The following VDAC1 variants were observed in gnomAD, a reference collection of about 807,000 sequenced individuals.
The protein encoded by VDAC1 is voltage dependent anion channel 1, also known as non-selective voltage-gated ion channel VDAC1.
Under a neutral mutation model 34.7 loss-of-function variants are expected in VDAC1, and 10 were observed. That is an observed-to-expected ratio of 0.29 (90% CI 0.18 to 0.49). The LOEUF (loss-of-function observed/expected upper bound fraction) is 0.49, where lower values mean the gene tolerates loss of function less well. Ranked by LOEUF, VDAC1 falls within the 20% of genes least tolerant of loss-of-function variation. The pLI, the probability that VDAC1 is intolerant of heterozygous loss-of-function variation, is 0.99. For missense variants in VDAC1, 230 were observed against 347.9 expected, an observed-to-expected ratio of 0.66 and a Z score of 2.69; for synonymous variants, 130 against 136.0, an observed-to-expected ratio of 0.96 and a Z score of 0.30.
At chr5:134,062,870 G>T in the VDAC1 span, among the ~76,000 whole-genome samples, 1 of 146,272 alleles carries the variant, frequency 6.8e-6, no homozygotes, top group African/African-American at 2.4e-5. Flanking sequence ...CAAATGATCT[G>T]CCCTCCTCGG....
chr5:134,014,207 T>G, the VDAC1 span, among the ~76,000 whole-genome samples: 6 of 151,270 alleles, frequency 4.0e-5, no homozygotes, highest in African/African-American at 1.5e-4. Flanking sequence ...GAGAATCACT[T>G]GAATCCGGGG....
upstream of VDAC1, among the ~76,000 whole-genome samples, chr5:134,006,769 A>C (rs1166024399): frequency 4.9e-5 from 7 of 141,928 alleles, no homozygotes; most frequent in Admixed American, 1.4e-4. Flanking sequence ...AACAAAAAAA[A>C]ACAACAACTT....
the VDAC1 span, among the ~76,000 whole-genome samples, chr5:134,105,589 G>C: frequency 6.6e-6 from 1 of 152,240 alleles, no homozygotes; most frequent in African/African-American, 2.4e-5. Flanking sequence ...CCAGGACCTG[G>C]CTCTGCCCAG....
At chr5:134,079,245 C>T in the VDAC1 span, among the ~76,000 whole-genome samples, 1 of 152,202 alleles carries the variant, frequency 6.6e-6, no homozygotes. Context: ...TCCCGCAGTG[C>T]TGGGATTACA....
chr5:134,111,796 G>A, the VDAC1 span, among the ~76,000 whole-genome samples: 1 of 152,154 alleles, frequency 6.6e-6, no homozygotes. Flanking sequence ...ACTAGAGTGT[G>A]ATAGTTAGGA....
At chr5:133,983,350 C>T (rs1237038274) in intron 5 of VDAC1, among the ~76,000 whole-genome samples, 7 of 151,240 alleles carry the variant, frequency 4.6e-5, no homozygotes, top group Middle Eastern at 3.4e-3. Flanking sequence ...TTTAAAGATA[C>T]ATAATAAAAT....
At chr5:134,086,285 A>C in the VDAC1 span, among the ~76,000 whole-genome samples, 1 of 152,244 alleles carries the variant, frequency 6.6e-6, no homozygotes, top group Admixed American at 6.5e-5. Flanking sequence ...CATTGCTTAC[A>C]CAAAGCAACA....
At chr5:133,990,027 T>C (rs1753044983) in intron 5 of VDAC1, among the ~76,000 whole-genome samples, 1 of 152,142 alleles carries the variant, frequency 6.6e-6, no homozygotes, top group Admixed American at 6.6e-5. Context: ...TAAAACATCT[T>C]CCCCAGGTTT....
intron 1 of VDAC1, among the ~76,000 whole-genome samples, chr5:134,002,627 T>C (rs529088621): frequency 1.7e-4 from 26 of 152,314 alleles, no homozygotes; most frequent in African/African-American, 4.8e-4. Context: ...GACTCTCTGC[T>C]AGGTGAGGCT....
the VDAC1 span, among the ~76,000 whole-genome samples, chr5:134,041,968 C>T: frequency 6.6e-6 from 1 of 152,250 alleles, no homozygotes; most frequent in Non-Finnish European, 1.5e-5. Context: ...TGCAGACCAA[C>T]ATCCTTTGTT....
intron 5 of VDAC1, among the ~76,000 whole-genome samples, chr5:133,987,065 A>G (rs1265736517): frequency 6.6e-6 from 1 of 152,244 alleles, no homozygotes; most frequent in African/African-American, 2.4e-5. Flanking sequence ...GCAATAGAAA[A>G]TTACCATTTG....
At chr5:134,102,503 T>C in the VDAC1 span, among the ~76,000 whole-genome samples, 1 of 152,014 alleles carries the variant, frequency 6.6e-6, no homozygotes, top group African/African-American at 2.4e-5. Context: ...ACCCCGTCTC[T>C]ACTAAAAATA....
chr5:133,992,213 G>A, intron 3 of VDAC1, 93 bp downstream of exon 3: 2 of 975,792 alleles, frequency 2.0e-6, no homozygotes. Context: ...TCCAGCCTGG[G>A]CGACAAGAGC....
At chr5:134,067,720 A>C in the VDAC1 span, among the ~76,000 whole-genome samples, 1 of 151,484 alleles carries the variant, frequency 6.6e-6, no homozygotes, top group Admixed American at 6.6e-5. Flanking sequence ...GAGAGGGAGA[A>C]GGAGAAGGAG....
At chr5:134,063,439 C>T in the VDAC1 span, among the ~76,000 whole-genome samples, 1 of 152,218 alleles carries the variant, frequency 6.6e-6, no homozygotes, top group Non-Finnish European at 1.5e-5. Context: ...ATCCCTCCCA[C>T]ATTGATTCAG....
chr5:134,055,339 C>T, the VDAC1 span, among the ~76,000 whole-genome samples: 2 of 152,142 alleles, frequency 1.3e-5, no homozygotes, highest in African/African-American at 2.4e-5. Flanking sequence ...GAGATTTCCC[C>T]GTGTCTCAGG....
At chr5:134,031,986 G>C in the VDAC1 span, among the ~76,000 whole-genome samples, 1 of 150,002 alleles carries the variant, frequency 6.7e-6, no homozygotes, top group South Asian at 2.1e-4. Flanking sequence ...AAAATTAGCT[G>C]GGTGTGGTGT....
At chr5:134,005,757 C>T (rs543434032), upstream of VDAC1, among the ~76,000 whole-genome samples, 229 of 152,340 alleles carry the variant, frequency 1.5e-3, no homozygotes, top group African/African-American at 5.3e-3. Context: ...CACTGAGTGT[C>T]CCCTGTGTTA....
At chr5:133,999,623 A>C (rs73787987) in intron 1 of VDAC1, among the ~76,000 whole-genome samples, 2,054 of 152,220 alleles carry the variant, frequency 0.013, 42 homozygotes, top group African/African-American at 0.046. Flanking sequence ...TAGGCTTCAG[A>C]TGGGCAATGA....
Sources: gnomAD v4.1 joint callset for allele counts (sites outside exome capture counted in the v4.1 genomes callset) on GRCh38, gnomAD v4.1.1 for gene constraint, MANE v1.5 for transcripts, NCBI Gene and HGNC (gene_info 2026-07-23, HGNC 2026-07-21) for gene names.